The following GMDS variants were observed in gnomAD, a reference collection of about 807,000 sequenced individuals.
GMDS encodes GDP-mannose 4,6-dehydratase.
Under a neutral mutation model 49.9 loss-of-function variants are expected in GMDS, and 20 were observed. The ratio of observed to expected loss-of-function variants is 0.40; its 90% confidence interval spans 0.28 to 0.58. The LOEUF (loss-of-function observed/expected upper bound fraction) is 0.58, where lower values mean the gene tolerates loss of function less well. Among genes scored for constraint, GMDS ranks in the 20% least tolerant of loss-of-function variants. The pLI is 0.42. For synonymous variants in GMDS, 177 were observed against 178.6 expected, an observed-to-expected ratio of 0.99 and a Z score of 0.07; for missense variants, 362 against 481.4, an observed-to-expected ratio of 0.75 and a Z score of 2.32.
intron 9 of GMDS, among the ~76,000 whole-genome samples, chr6:1,631,854 A>G (rs1195391727): frequency 1.3e-5 from 2 of 152,194 alleles, no homozygotes; most frequent in Non-Finnish European, 2.9e-5. Flanking sequence ...GGGGACTTTT[A>G]TATTGGAGAA....
chr6:2,160,815 C>G (rs190039441), intron 1 of GMDS, among the ~76,000 whole-genome samples: 44 of 152,180 alleles, frequency 2.9e-4, no homozygotes, highest in Admixed American at 1.1e-3. Context: ...GCATGAGCCA[C>G]GACCACACCT....
intron 4 of GMDS, among the ~76,000 whole-genome samples, chr6:2,039,464 T>A (rs976518504): frequency 2.6e-5 from 4 of 152,362 alleles, no homozygotes; most frequent in African/African-American, 9.6e-5. Flanking sequence ...TTAGTATTTT[T>A]AATTTTTTGA....
At chr6:1,982,003 G>A (rs890066793) in intron 4 of GMDS, among the ~76,000 whole-genome samples, 1 of 152,082 alleles carries the variant, frequency 6.6e-6, no homozygotes, top group Non-Finnish European at 1.5e-5. Flanking sequence ...AGTAAACTAG[G>A]TATTAACAGA....
chr6:1,893,080 C>T (rs2113844093), intron 7 of GMDS, among the ~76,000 whole-genome samples: 1 of 152,308 alleles, frequency 6.6e-6, no homozygotes, highest in Admixed American at 6.5e-5. Context: ...CTTCCCCATC[C>T]ACCTCCTTCC....
Position 1,844,383 on chromosome 6 carries a change from G to C in GMDS, c.771+85720C>G, listed in dbSNP as rs115832561. Among the ~76,000 whole-genome samples the C allele has an allele frequency of 5.4e-3, 816 of 152,228 alleles. 9 individuals carry two copies. Among genetic ancestry groups the C allele is most frequent in the African/African-American group, 0.019 (773 of 41,538 alleles). Reference sequence around the variant, plus strand: ...GATTGTACATTTAATGTTGTGATTTGGTCTTTAAAAATAGTATTACAGCAA... The same window carrying C: ...GATTGTACATTTAATGTTGTGATTTCGTCTTTAAAAATAGTATTACAGCAA... On this transcript the variant is annotated intron_variant, in intron 7 of 10. Transcript: ENST00000380815.
intron 9 of GMDS, among the ~76,000 whole-genome samples, chr6:1,717,145 C>A (rs1308533535): frequency 1.3e-5 from 2 of 152,204 alleles, no homozygotes; most frequent in African/African-American, 4.8e-5. Flanking sequence ...TTTGCCAGCA[C>A]CTTGATTTAG....
At chr6:1,821,611 G>GTTTTTTTT (rs3039703) in intron 7 of GMDS, among the ~76,000 whole-genome samples, 4 of 109,840 alleles carry the variant, frequency 3.6e-5, no homozygotes, top group African/African-American at 6.8e-5. Context: ...CAATTTATTT[G>GTTTTTTTT]TTTTTTTTTT....
At chr6:2,040,651 G>C (rs1247010356) in intron 4 of GMDS, among the ~76,000 whole-genome samples, 1 of 152,148 alleles carries the variant, frequency 6.6e-6, no homozygotes, top group African/African-American at 2.4e-5. Context: ...GAGATGATGA[G>C]GTTTAGGACA....
At chr6:1,658,273 T>G (rs1180215237) in intron 9 of GMDS, among the ~76,000 whole-genome samples, 2 of 152,228 alleles carry the variant, frequency 1.3e-5, no homozygotes, top group African/African-American at 4.8e-5. Flanking sequence ...AGATGTTGCT[T>G]CTCTACTGAG....
At chr6:1,905,943 T>C (rs1760753979) in intron 7 of GMDS, among the ~76,000 whole-genome samples, 1 of 151,996 alleles carries the variant, frequency 6.6e-6, no homozygotes. Flanking sequence ...AGCGCCCAGG[T>C]GGCTGTTGAG....
chr6:2,207,446 G>A (rs550400637), intron 1 of GMDS, among the ~76,000 whole-genome samples: 16 of 151,940 alleles, frequency 1.1e-4, no homozygotes, highest in Non-Finnish European at 2.1e-4. Flanking sequence ...TAAGCTCAGT[G>A]TTCACCCCAA....
At chr6:2,084,012 G>A (rs114929961) in intron 4 of GMDS, among the ~76,000 whole-genome samples, 1 of 152,170 alleles carries the variant, frequency 6.6e-6, no homozygotes, top group Non-Finnish European at 1.5e-5. Flanking sequence ...GTTCTGGGCA[G>A]AGAAAACCAA....
At chr6:2,175,378 A>G (rs1778225828) in intron 1 of GMDS, among the ~76,000 whole-genome samples, 1 of 152,228 alleles carries the variant, frequency 6.6e-6, no homozygotes, top group Non-Finnish European at 1.5e-5. Flanking sequence ...TTGAGCTCAA[A>G]GAGGAAATTC....
At chr6:1,959,412 T>C (rs1763816874) in intron 6 of GMDS, among the ~76,000 whole-genome samples, 1 of 152,190 alleles carries the variant, frequency 6.6e-6, no homozygotes, top group Admixed American at 6.5e-5. Flanking sequence ...GCATAGTAAT[T>C]TCTGGACGTC....
chr6:2,167,248 A>T (rs1203115215), intron 1 of GMDS, among the ~76,000 whole-genome samples: 3 of 152,206 alleles, frequency 2.0e-5, no homozygotes, highest in Non-Finnish European at 4.4e-5. Flanking sequence ...AAAATGGGAA[A>T]GTCATCCTAG....
At chr6:1,857,296 C>G (rs1475427302) in intron 7 of GMDS, among the ~76,000 whole-genome samples, 1 of 152,202 alleles carries the variant, frequency 6.6e-6, no homozygotes, top group Non-Finnish European at 1.5e-5. Flanking sequence ...ATGCTGCGTT[C>G]AGTTCCACTC....
chr6:1,913,890 T>C (rs1028017837), intron 7 of GMDS, among the ~76,000 whole-genome samples: 3 of 152,202 alleles, frequency 2.0e-5, no homozygotes, highest in African/African-American at 7.2e-5. Context: ...AACAGGAAGA[T>C]TTATGTAAAT....
At chr6:2,242,963 C>T (rs538771962) in intron 1 of GMDS, among the ~76,000 whole-genome samples, 2 of 152,264 alleles carry the variant, frequency 1.3e-5, no homozygotes, top group African/African-American at 4.8e-5. Flanking sequence ...GAGTCACTGT[C>T]CTGGAATACA....
At chr6:1,693,021 C>G (rs1765227212) in intron 9 of GMDS, among the ~76,000 whole-genome samples, 1 of 152,160 alleles carries the variant, frequency 6.6e-6, no homozygotes, top group South Asian at 2.1e-4. Flanking sequence ...TTCTGGGACC[C>G]AGTTATGTTA....
Sources: gnomAD v4.1 joint callset for allele counts (sites outside exome capture counted in the v4.1 genomes callset) on GRCh38, gnomAD v4.1.1 for gene constraint, MANE v1.5 for transcripts, NCBI Gene and HGNC (gene_info 2026-07-23, HGNC 2026-07-21) for gene names.